The following DES variants were observed in gnomAD, a reference collection of about 807,000 sequenced individuals.
DES encodes the protein cardiomyopathy, dilated 1F (autosomal dominant).
A neutral mutation model predicts 55.1 loss-of-function variants in DES; 34 were observed. The ratio of observed to expected loss-of-function variants is 0.62; its 90% CI spans 0.47 to 0.82. The LOEUF (loss-of-function observed/expected upper bound fraction) is 0.82, where lower values mean the gene tolerates loss of function less well. DES is among the 40% of genes least tolerant of loss of function. DES has a pLI of 0.00. For synonymous variants in DES, 259 were observed against 270.8 expected (o/e 0.96, Z 0.43); for missense variants, 596 against 645.9 (o/e 0.92, Z 0.84).
rs1407530629 is a variant in DES at position 219,420,815 on chromosome 2, T to C, written c.898-13T>C. ...CATCCTTCTCATTTTTGGGCCCCTT[T>C]CTCTGCCCTTAGGTGTCAGACCTGA... On this transcript the variant is annotated splice_polypyrimidine_tract_variant and intron_variant, in intron 4 of 8. Coordinates refer to ENST00000373960, the MANE Select transcript of DES (RefSeq NM_001927.4). This position sits in a 1 kb window ranked among gnomAD's most constrained non-coding sequence, Gnocchi z 6.0. 1.9e-6 allele frequency: 3 copies of C among 1,613,356 alleles called. No individual in the cohort carries two copies. In the African/African-American group the frequency reaches 4.0e-5, roughly 22 times the overall value.
In DES at chr2:219,426,269, C is replaced by T. The variant is rs980897423; in HGVS notation, c.*279C>T. On this transcript the variant is annotated 3_prime_UTR_variant, in exon 9 of 9. Coordinates refer to ENST00000373960, the MANE Select transcript of DES (RefSeq NM_001927.4). This position sits in a 1 kb window ranked among gnomAD's most constrained non-coding sequence, Gnocchi z 4.5. Reference sequence around the variant, plus strand: ...GCTCTTGTGCTGGATGGAGCCCAGGCGGGAGCGGTGGCCCTGTCCCTCCCA... The same window carrying T: ...GCTCTTGTGCTGGATGGAGCCCAGGTGGGAGCGGTGGCCCTGTCCCTCCCA... The T allele has an allele frequency of 8.7e-5, 51 of 588,358 alleles. No homozygotes were observed. The highest frequency in any genetic ancestry group is 3.3e-4 in the African/African-American group (18 of 54,278). 36.4% of individuals were successfully genotyped at this position (588,358 alleles called of 1,614,324 possible).
intron 8 of DES, 28 bp from the exon 9 acceptor site, chr2:219,425,921 G>A (rs1289320509): frequency 1.9e-6 from 3 of 1,613,902 alleles, no homozygotes; most frequent in Middle Eastern, 3.3e-4. Context: ...CTAGCACATG[G>A]TTGGACTGGG....
In DES at chr2:219,419,062, C is replaced by A; in HGVS notation, c.578+22C>A. On this transcript the variant is annotated intron_variant, in intron 1 of 8. Transcript: ENST00000373960. The surrounding 1 kb of genome is among the most constrained non-coding windows in gnomAD (Gnocchi z 4.3). Reference sequence around the variant, plus strand: ...CCAAGTGAGGGCCCGGCACCCCAGACTCCTCTTTCTGCGGGCAGGGCACAG... The same window carrying A: ...CCAAGTGAGGGCCCGGCACCCCAGAATCCTCTTTCTGCGGGCAGGGCACAG... The A allele has an allele frequency of 6.5e-7, 1 of 1,536,536 alleles. No individual in the cohort carries two copies. Among genetic ancestry groups the A allele is most frequent in the Non-Finnish European group, 8.7e-7 (1 of 1,146,698 alleles).
chr2:219,426,138 G>T lies in DES; in HGVS notation c.*148G>T. On this transcript the variant is annotated 3_prime_UTR_variant, in exon 9 of 9. Transcript: ENST00000373960. This position sits in a 1 kb window ranked among gnomAD's most constrained non-coding sequence, Gnocchi z 4.5. ...CCCTCCTCACTGGCCATCCCTCGTG[G>T]TCCCCAACAGCGACATAGCCCATCC... The T allele has an allele frequency of 1.1e-6, 1 of 925,804 alleles. No individual in the cohort carries two copies. Among genetic ancestry groups the T allele is most frequent in the Non-Finnish European group, 1.7e-6 (1 of 586,998 alleles). 57.3% of individuals were successfully genotyped at this position (925,804 alleles called of 1,614,324 possible).
At chr2:219,424,063 G>A (rs1236388853) in intron 7 of DES, among the ~76,000 whole-genome samples, 2 of 152,194 alleles carry the variant, frequency 1.3e-5, no homozygotes, top group African/African-American at 4.8e-5. Context: ...CATGTCCCCT[G>A]CACCTTCTTG....
chr2:219,422,567 C>T (rs112203191), intron 6 of DES, among the ~76,000 whole-genome samples: 4,887 of 148,122 alleles, frequency 0.033, 279 homozygotes, highest in African/African-American at 0.11. Flanking sequence ...CAGGCTCAAG[C>T]GGTTCTCCTG....
At position 219,421,707 on chromosome 2, in the gene DES, C is replaced by T. The variant is rs1575015172; in HGVS notation, c.1244+147C>T. On this transcript the variant is annotated intron_variant, in intron 6 of 8. Coordinates refer to ENST00000373960, the MANE Select transcript of DES (RefSeq NM_001927.4). ...TTGAGATGGAGTTTCGCTCTTGTCG[C>T]CCAGTCTGGAGTGCAATGGCACCAT... The T allele has an allele frequency of 1.6e-5, 12 of 728,288 alleles. No individual in the cohort carries two copies. The East Asian group carries it at 3.1e-4, about 19-fold the overall frequency. 45.1% of individuals were successfully genotyped at this position (728,288 alleles called of 1,614,324 possible).
rs762068048 is a variant in DES, at chr2:219,420,234, C to T, written c.640-17C>T. ...TGGGTGGCGGTGACCATGTCCTTCTCGCTTGGCCTCTCCCAGGACGTGGAT... is the reference window on the plus strand; with the variant it reads ...TGGGTGGCGGTGACCATGTCCTTCTTGCTTGGCCTCTCCCAGGACGTGGAT... On this transcript the variant is annotated splice_polypyrimidine_tract_variant and intron_variant, in intron 2 of 8. Coordinates refer to ENST00000373960, the MANE Select transcript of DES (RefSeq NM_001927.4). The surrounding 1 kb of genome is among the most constrained non-coding windows in gnomAD (Gnocchi z 6.0). 31 of 1,614,014 alleles carry T rather than the reference C, an allele frequency of 1.9e-5. No individual in the cohort carries two copies. In the Middle Eastern group the frequency reaches 4.9e-4, roughly 26 times the overall value.
chr2:219,418,768 G>A lies in DES; in HGVS notation c.306G>A (p.Leu102=), dbSNP rs2125166197. 9 of 1,562,992 alleles carry A rather than the reference G, an allele frequency of 5.8e-6. No homozygotes were observed. The highest frequency in any genetic ancestry group is 1.7e-4 in the Middle Eastern group (1 of 5,994). Residue 102 remains leucine, a synonymous_variant, in exon 1 of 9, where the codon CTG becomes CTA. Transcript: ENST00000373960. ...CCGACGCGGTGAACCAGGAGTTTCT[G>A]ACCACGCGCACCAACGAGAAGGTGG... ...SLADAVNQEF[L]TTRTNEKVEL...
intron 7 of DES, 108 bp downstream of exon 7, chr2:219,423,928 C>T (rs1954491097): frequency 1.6e-6 from 2 of 1,276,050 alleles, no homozygotes; most frequent in South Asian, 1.2e-5. Flanking sequence ...GGGCTAGGGA[C>T]AGACCTGGAG....
chr2:219,421,651 C>T, intron 6 of DES, 91 bp downstream of exon 6: 1 of 1,203,048 alleles, frequency 8.3e-7, no homozygotes, highest in Non-Finnish European at 1.2e-6. Flanking sequence ...CTGATTACCT[C>T]AACAAGACCT....
rs116635264 is a variant in DES, at chr2:219,426,652, G to A, written c.*662G>A. The A allele has an allele frequency of 0.012, 1,861 of 156,266 alleles. 45 individuals carry two copies. Among genetic ancestry groups the A allele is most frequent in the African/African-American group, 0.043 (1,790 of 41,520 alleles). 9.7% of individuals were successfully genotyped at this position (156,266 alleles called of 1,614,324 possible). ...AGGCAGAGAGCGGTCTCAGGCTGGT[G>A]GGAGGGGCGCCCACCTCCCCACGCC... On this transcript the variant is annotated 3_prime_UTR_variant, in exon 9 of 9. Transcript: ENST00000373960. The surrounding 1 kb of genome is among the most constrained non-coding windows in gnomAD (Gnocchi z 4.5).
chr2:219,426,009 A>G lies in DES; in HGVS notation c.*19A>G, dbSNP rs560344912. 13 of 1,613,728 alleles carry G rather than the reference A, an allele frequency of 8.1e-6. No individual in the cohort carries two copies. In the African/African-American group the frequency reaches 1.5e-4, roughly 18 times the overall value. On this transcript the variant is annotated 3_prime_UTR_variant, in exon 9 of 9. Coordinates refer to ENST00000373960, the MANE Select transcript of DES (RefSeq NM_001927.4). This position sits in a 1 kb window ranked among gnomAD's most constrained non-coding sequence, Gnocchi z 4.5. ...GCTCTAAAGACAGAGACCCTCTGCCACCAGAGACCGTCCTCACCCCTGTCC... is the reference window on the plus strand; with the variant it reads ...GCTCTAAAGACAGAGACCCTCTGCCGCCAGAGACCGTCCTCACCCCTGTCC...
chr2:219,425,490 G>A (rs768515772), intron 7 of DES, 173 bp from the exon 8 acceptor site: 1 of 651,122 alleles, frequency 1.5e-6, no homozygotes. Context: ...ACCACCTGCT[G>A]GGTGCTGGGC....
intron 6 of DES, among the ~76,000 whole-genome samples, chr2:219,423,279 A>G (rs568229898): frequency 6.6e-6 from 1 of 152,240 alleles, no homozygotes; most frequent in East Asian, 1.9e-4. Flanking sequence ...CTTCCAGAAG[A>G]GACTATTCCT....
chr2:219,421,495 C>T lies in DES; in HGVS notation c.1179C>T (p.Asn393=), dbSNP rs955390251. 3.7e-6 allele frequency: 6 copies of T among 1,614,094 alleles called. No homozygotes were observed. The highest frequency in any genetic ancestry group is 1.3e-5 in the African/African-American group (1 of 75,012). Residue 393 remains asparagine, a synonymous_variant, in exon 6 of 9, where the codon AAC becomes AAT. Coordinates refer to ENST00000373960, the MANE Select transcript of DES (RefSeq NM_001927.4). Reference sequence around the variant, plus strand: ...TGCGCGAGTACCAGGACCTGCTCAACGTGAAGATGGCCCTGGATGTGGAGA... The same window carrying T: ...TGCGCGAGTACCAGGACCTGCTCAATGTGAAGATGGCCCTGGATGTGGAGA... ...RHLREYQDLL[N]VKMALDVEIA... is the part of the protein sequence containing the mutation.
chr2:219,421,029 C>T, intron 5 of DES, 76 bp downstream of exon 5: 3 of 1,562,176 alleles, frequency 1.9e-6, no homozygotes, highest in Non-Finnish European at 8.7e-7. Flanking sequence ...GACCTTGGGC[C>T]CATCATAGAT....
chr2:219,420,358 C>G lies in DES; in HGVS notation c.735+12C>G. 4 of 1,613,408 alleles carry G rather than the reference C, an allele frequency of 2.5e-6. No homozygotes were observed. Among genetic ancestry groups the G allele is most frequent in the Non-Finnish European group, 3.4e-6 (4 of 1,179,688 alleles). On this transcript the variant is annotated intron_variant, in intron 3 of 8. Coordinates refer to ENST00000373960, the MANE Select transcript of DES (RefSeq NM_001927.4). This position sits in a 1 kb window ranked among gnomAD's most constrained non-coding sequence, Gnocchi z 6.0. Reference sequence around the variant, plus strand: ...AAGTGCATGAAGAGGTATACCTTGGCCCCTCTTCCTGGGGTCACTGGGCCA... The same window carrying G: ...AAGTGCATGAAGAGGTATACCTTGGGCCCTCTTCCTGGGGTCACTGGGCCA...
At chr2:219,421,955 C>T (rs1170148192) in intron 6 of DES, among the ~76,000 whole-genome samples, 5 of 152,146 alleles carry the variant, frequency 3.3e-5, no homozygotes, top group East Asian at 1.9e-4. Context: ...CGTGAGCCAC[C>T]GCACCCGGCG....
Sources: gnomAD v4.1 joint callset for allele counts (sites outside exome capture counted in the v4.1 genomes callset) on GRCh38, gnomAD v4.1.1 for gene constraint, Gnocchi (gnomAD v3.1) non-coding constraint, MANE v1.5 for transcripts, NCBI Gene and HGNC (gene_info 2026-07-23, HGNC 2026-07-21) for gene names.